Variants in MCC observed in about 807,000 individuals in gnomAD.
MCC encodes MCC regulator of Wnt signaling pathway, also known as colorectal mutant cancer protein.
A neutral mutation model predicts 116.2 loss-of-function variants in MCC; 90 were observed. That is an observed-to-expected ratio of 0.77 (90% CI 0.65 to 0.92). The LOEUF (loss-of-function observed/expected upper bound fraction) is 0.92, where lower values mean the gene tolerates loss of function less well. Ranked by LOEUF, MCC falls within the 40% of genes least tolerant of loss-of-function variation. MCC has a pLI of 0.00. For synonymous variants in MCC, 578 were observed against 510.5 expected (o/e 1.13, Z -1.78); for missense variants, 1,516 against 1,312.2 (o/e 1.16, Z -2.40).
rs974727119 is a variant in MCC at position 113,026,462 on chromosome 5, G to A, written c.*840C>T. On this transcript the variant is annotated 3_prime_UTR_variant, in exon 19 of 19. Coordinates refer to ENST00000408903, the MANE Select transcript of MCC (RefSeq NM_001085377.2). ...CTAATAATGTTTCTCAGCTCTTGAA[G>A]AAACCCCTGACAGAATTTTAGTTCC... 7 of 152,236 alleles carry A rather than the reference G, an allele frequency of 4.6e-5. No homozygotes were observed. Among genetic ancestry groups the A allele is most frequent in the African/African-American group, 9.6e-5 (4 of 41,464 alleles). The allele number at this position is 152,236 out of a possible 1,614,324, so 9.4% of individuals were successfully genotyped here.
At chr5:113,409,373 A>G (rs1332488969) in intron 1 of MCC, among the ~76,000 whole-genome samples, 1 of 151,630 alleles carries the variant, frequency 6.6e-6, no homozygotes, top group Non-Finnish European at 1.5e-5. Flanking sequence ...TTTTTTTTAG[A>G]CAGGGTCTTG....
intron 3 of MCC, among the ~76,000 whole-genome samples, chr5:113,211,978 T>G (rs917499135): frequency 3.3e-5 from 5 of 152,214 alleles, no homozygotes; most frequent in Non-Finnish European, 5.9e-5. Flanking sequence ...ACCTCTAATT[T>G]TCAAACACAT....
chr5:113,480,297 T>C (rs898693761), intron 1 of MCC, among the ~76,000 whole-genome samples: 1 of 152,238 alleles, frequency 6.6e-6, no homozygotes, highest in Non-Finnish European at 1.5e-5. Context: ...ATTTCACTGA[T>C]AACTTCAGTT....
intron 3 of MCC, among the ~76,000 whole-genome samples, chr5:113,155,400 C>A (rs1039551469): frequency 6.6e-6 from 1 of 152,160 alleles, no homozygotes; most frequent in Non-Finnish European, 1.5e-5. Context: ...AACAAATACC[C>A]AAGTAGTGGG....
At chr5:113,218,008 A>G (rs1763389833) in intron 3 of MCC, among the ~76,000 whole-genome samples, 2 of 151,820 alleles carry the variant, frequency 1.3e-5, no homozygotes, top group Non-Finnish European at 2.9e-5. Context: ...CATGCTGACC[A>G]GACACTGTAA....
At chr5:113,140,543 G>T (rs575962607) in intron 5 of MCC, among the ~76,000 whole-genome samples, 1 of 152,338 alleles carries the variant, frequency 6.6e-6, no homozygotes, top group Non-Finnish European at 1.5e-5. Flanking sequence ...GTGACTGTAA[G>T]GGATGGGAGT....
intron 2 of MCC, among the ~76,000 whole-genome samples, chr5:113,372,163 G>A (rs1248351736): frequency 6.6e-6 from 1 of 152,150 alleles, no homozygotes; most frequent in African/African-American, 2.4e-5. Flanking sequence ...CTTCATGCCA[G>A]AATTACCACC....
At chr5:113,112,782 C>CCAGTGTTT (rs1414387806) in intron 6 of MCC, among the ~76,000 whole-genome samples, 19 of 152,240 alleles carry the variant, frequency 1.2e-4, no homozygotes, top group Non-Finnish European at 2.5e-4. Context: ...GCTCTACAAA[C>CCAGTGTTT]ACTGGATGAG....
chr5:113,364,790 C>G (rs1768645006), intron 2 of MCC, among the ~76,000 whole-genome samples: 1 of 152,214 alleles, frequency 6.6e-6, no homozygotes, highest in South Asian at 2.1e-4. Flanking sequence ...CATGTAGAAG[C>G]CACCAAGGCA....
intron 3 of MCC, among the ~76,000 whole-genome samples, chr5:113,296,258 C>T (rs1766706940): frequency 6.6e-6 from 1 of 152,108 alleles, no homozygotes; most frequent in Non-Finnish European, 1.5e-5. Flanking sequence ...GTGGTATATA[C>T]ATAACTATGA....
intron 3 of MCC, among the ~76,000 whole-genome samples, chr5:113,281,090 A>G (rs1297148959): frequency 2.0e-5 from 3 of 152,240 alleles, no homozygotes; most frequent in Non-Finnish European, 4.4e-5. Context: ...ACCTCAATAA[A>G]GTATCAGAGG....
intron 3 of MCC, among the ~76,000 whole-genome samples, chr5:113,293,397 T>C (rs560929922): frequency 2.0e-5 from 3 of 152,344 alleles, no homozygotes; most frequent in African/African-American, 7.2e-5. Context: ...GGACTACTTA[T>C]GCTACTTTTG....
At chr5:113,339,289 C>T (rs1234865286) in intron 3 of MCC, among the ~76,000 whole-genome samples, 1 of 151,908 alleles carries the variant, frequency 6.6e-6, no homozygotes, top group East Asian at 1.9e-4. Flanking sequence ...TAATCATATA[C>T]CCCACAAATA....
At chr5:113,342,808 G>C (rs1303853892) in intron 2 of MCC, among the ~76,000 whole-genome samples, 1 of 152,238 alleles carries the variant, frequency 6.6e-6, no homozygotes, top group Non-Finnish European at 1.5e-5. Flanking sequence ...TTACTTTAGA[G>C]AGGTAGTATT....
At position 113,355,762 on chromosome 5, in the gene MCC, C is replaced by T. The variant is rs535794998; in HGVS notation, c.416-15032G>A. Among the ~76,000 whole-genome samples, 41 of 152,178 alleles carry T rather than the reference C, an allele frequency of 2.7e-4. 1 individual carries two copies. The highest frequency in any genetic ancestry group is 8.2e-4 in the African/African-American group (34 of 41,526). On this transcript the variant is annotated intron_variant, in intron 2 of 18. Coordinates refer to ENST00000408903, the MANE Select transcript of MCC (RefSeq NM_001085377.2). ...AATCCCATCATAAGGCTCCACCCCACGATCTCATCTAACTTTAATTACCTT... is the reference window on the plus strand; with the variant it reads ...AATCCCATCATAAGGCTCCACCCCATGATCTCATCTAACTTTAATTACCTT...
At chr5:113,088,409 G>C (rs1437317956) in intron 8 of MCC, among the ~76,000 whole-genome samples, 1 of 151,402 alleles carries the variant, frequency 6.6e-6, no homozygotes, top group Non-Finnish European at 1.5e-5. Flanking sequence ...GTTGGATTAT[G>C]TCTCCCCCAA....
intron 3 of MCC, among the ~76,000 whole-genome samples, chr5:113,305,532 T>C (rs1332273378): frequency 1.3e-5 from 2 of 152,226 alleles, no homozygotes; most frequent in African/African-American, 4.8e-5. Flanking sequence ...GGAGTCATTT[T>C]CAGTTCCCCT....
At chr5:113,104,771 G>T (rs1486270363) in intron 6 of MCC, 2 of 157,396 alleles carry the variant, frequency 1.3e-5, no homozygotes, top group Non-Finnish European at 2.8e-5. Flanking sequence ...GAGATGCTAG[G>T]TATTTTGAAA....
intron 2 of MCC, among the ~76,000 whole-genome samples, chr5:113,381,819 C>T (rs993046341): frequency 1.3e-5 from 2 of 151,966 alleles, no homozygotes; most frequent in Non-Finnish European, 2.9e-5. Flanking sequence ...CATGGGACCA[C>T]AAGAAATCAT....
Sources: gnomAD v4.1 joint callset for allele counts (sites outside exome capture counted in the v4.1 genomes callset) on GRCh38, gnomAD v4.1.1 for gene constraint, MANE v1.5 for transcripts, NCBI Gene and HGNC (gene_info 2026-07-23, HGNC 2026-07-21) for gene names.